The following HSD17B4 variants were observed in gnomAD, a reference collection of about 807,000 sequenced individuals.
HSD17B4 encodes the protein hydroxysteroid 17-beta dehydrogenase 4.
Under a neutral mutation model 101.0 loss-of-function variants are expected in HSD17B4, and 70 were observed. The ratio of observed to expected loss-of-function variants is 0.69; its 90% confidence interval spans 0.57 to 0.85. HSD17B4 has a LOEUF of 0.85. Among genes scored for constraint, HSD17B4 ranks in the 40% least tolerant of loss-of-function variants. The pLI is 0.00. For missense variants in HSD17B4, 984 were observed against 892.4 expected, an observed-to-expected ratio of 1.10 and a Z score of -1.31; for synonymous variants, 347 against 297.1, an observed-to-expected ratio of 1.17 and a Z score of -1.73.
chr5:119,460,440 A>T (rs984019644), intron 2 of HSD17B4, among the ~76,000 whole-genome samples: 1 of 152,236 alleles, frequency 6.6e-6, no homozygotes, highest in African/African-American at 2.4e-5. Flanking sequence ...TCCCTTGGAT[A>T]CCTCCATGAC....
intron 17 of HSD17B4, among the ~76,000 whole-genome samples, chr5:119,523,064 T>C (rs1407129524): frequency 6.6e-6 from 1 of 152,188 alleles, no homozygotes; most frequent in African/African-American, 2.4e-5. Context: ...ATTTGAACTC[T>C]GCAGTGTTCT....
intron 1 of HSD17B4, among the ~76,000 whole-genome samples, chr5:119,453,345 G>C (rs1754273109): frequency 6.6e-6 from 1 of 152,212 alleles, no homozygotes; most frequent in Admixed American, 6.5e-5. Flanking sequence ...GAAGTGGACC[G>C]GCCAGTGGGA....
At position 119,468,654 on chromosome 5, in the gene HSD17B4, A is replaced by G. The variant is rs570692426; in HGVS notation, c.113-5254A>G. 2.0e-5 allele frequency among the ~76,000 whole-genome samples: 3 copies of G among 152,246 alleles called. No individual in the cohort carries two copies. The Middle Eastern group carries it at 0.01, about 518-fold the overall frequency. ...TTGAGTGTCCTGGATATGGATGTCC[A>G]TCTTTCTTTCAGGACTTGGGAGTTT... is the stretch of plus-strand genomic sequence containing the variant. On this transcript the variant is annotated intron_variant, in intron 2 of 23. Coordinates refer to ENST00000510025, the MANE Select transcript of HSD17B4 (RefSeq NM_000414.4).
At chr5:119,476,584 G>A in intron 6 of HSD17B4, 1 of 985,278 alleles carries the variant, frequency 1.0e-6, no homozygotes. Flanking sequence ...TAGTGTCTTT[G>A]ATTTAGAATT....
chr5:119,537,480 A>G (rs1417711090), intron 23 of HSD17B4, among the ~76,000 whole-genome samples: 11 of 152,138 alleles, frequency 7.2e-5, no homozygotes, highest in Admixed American at 7.2e-4. Context: ...ACCCTCTGTT[A>G]ATTTCTTTCC....
chr5:119,459,969 C>T (rs1364013170), intron 2 of HSD17B4, among the ~76,000 whole-genome samples: 1 of 151,292 alleles, frequency 6.6e-6, no homozygotes, highest in Non-Finnish European at 1.5e-5. Flanking sequence ...CTCCCGGGTT[C>T]ACGCCATTCT....
chr5:119,542,044 A>G lies in HSD17B4; in HGVS notation c.*50A>G, dbSNP rs775819164. ...AATGGAATCATTAAATACTCTCTTC[A>G]CCCAAATATGCTTGATTATTCTGCA... is the stretch of plus-strand genomic sequence containing the variant. On this transcript the variant is annotated 3_prime_UTR_variant, in exon 24 of 24. Coordinates refer to ENST00000510025, the MANE Select transcript of HSD17B4 (RefSeq NM_000414.4). 5 of 1,203,336 alleles carry G rather than the reference A, an allele frequency of 4.2e-6. No homozygotes were observed. The highest frequency in any genetic ancestry group is 6.2e-6 in the Non-Finnish European group (5 of 808,974). 74.5% of individuals were successfully genotyped at this position (1,203,336 alleles called of 1,614,324 possible).
chr5:119,470,316 A>G (rs977535514), intron 2 of HSD17B4, among the ~76,000 whole-genome samples: 1 of 152,024 alleles, frequency 6.6e-6, no homozygotes, highest in African/African-American at 2.4e-5. Context: ...GGATGATGGC[A>G]GATGGCACCC....
At chr5:119,497,710 T>A (rs1473229482) in intron 12 of HSD17B4, among the ~76,000 whole-genome samples, 1 of 152,130 alleles carries the variant, frequency 6.6e-6, no homozygotes, top group Non-Finnish European at 1.5e-5. Flanking sequence ...AAAAAAATTA[T>A]TTTCTAAGCT....
chr5:119,517,800 G>C (rs1281976318), intron 17 of HSD17B4, among the ~76,000 whole-genome samples: 1 of 152,022 alleles, frequency 6.6e-6, no homozygotes, highest in East Asian at 1.9e-4. Context: ...TCTGTATCTA[G>C]CTCAAGGTTT....
chr5:119,455,508 C>G (rs142045200), intron 1 of HSD17B4, among the ~76,000 whole-genome samples: 16,176 of 150,236 alleles, frequency 0.11, 1,065 homozygotes, highest in South Asian at 0.15. Flanking sequence ...CAGAGTGAGA[C>G]TGGATCTCAA....
chr5:119,514,042 T>C (rs368200802), intron 16 of HSD17B4, among the ~76,000 whole-genome samples: 5 of 152,240 alleles, frequency 3.3e-5, no homozygotes, highest in East Asian at 3.9e-4. Context: ...TGAAGTCAGG[T>C]CCTCCAAAAC....
chr5:119,476,824 T>TCA (rs1748633302), intron 6 of HSD17B4: 1 of 370,674 alleles, frequency 2.7e-6, no homozygotes, highest in Non-Finnish European at 3.7e-6. Flanking sequence ...CTTACATTCT[T>TCA]CTTCTAATAT....
chr5:119,483,336 T>C (rs1749322529), intron 8 of HSD17B4, among the ~76,000 whole-genome samples: 1 of 152,140 alleles, frequency 6.6e-6, no homozygotes, highest in African/African-American at 2.4e-5. Context: ...TGATGGTGGT[T>C]TGCCCTGTGA....
chr5:119,512,531 A>C (rs1019553626), intron 16 of HSD17B4, among the ~76,000 whole-genome samples: 2 of 152,064 alleles, frequency 1.3e-5, no homozygotes, highest in African/African-American at 4.8e-5. Context: ...AAGTCAGAAG[A>C]TAGTGGGCTA....
intron 16 of HSD17B4, among the ~76,000 whole-genome samples, chr5:119,511,378 G>T (rs1162737399): frequency 6.6e-6 from 1 of 152,164 alleles, no homozygotes; most frequent in Non-Finnish European, 1.5e-5. Flanking sequence ...AAGAACCAGG[G>T]AAAGAGATAG....
intron 22 of HSD17B4, among the ~76,000 whole-genome samples, chr5:119,534,755 G>T (rs977652300): frequency 1.3e-5 from 2 of 152,030 alleles, no homozygotes; most frequent in Non-Finnish European, 2.9e-5. Flanking sequence ...GTTAGGAATG[G>T]GGGCCTGTTT....
intron 16 of HSD17B4, among the ~76,000 whole-genome samples, chr5:119,514,682 C>A (rs1023190945): frequency 2.6e-5 from 4 of 152,136 alleles, no homozygotes; most frequent in African/African-American, 7.2e-5. Context: ...TTGTTTTCAT[C>A]TTTTACATAG....
intron 21 of HSD17B4, among the ~76,000 whole-genome samples, chr5:119,530,804 G>A (rs1486975557): frequency 1.7e-5 from 2 of 119,842 alleles, no homozygotes; most frequent in African/African-American, 6.5e-5. Flanking sequence ...AGTGAGCCAA[G>A]ATTGCACTAC....
Sources: gnomAD v4.1 joint callset for allele counts (sites outside exome capture counted in the v4.1 genomes callset) on GRCh38, gnomAD v4.1.1 for gene constraint, MANE v1.5 for transcripts, NCBI Gene and HGNC (gene_info 2026-07-23, HGNC 2026-07-21) for gene names.